SLFN12L: variants seen among roughly 807,000 people sequenced by gnomAD.
SLFN12L encodes schlafen family member 12-like.
SLFN12L carries 34 observed loss-of-function variants against 34.8 expected under a neutral mutation model. The observed-to-expected ratio is 0.98, with a 90% CI of 0.74 to 1.30. The LOEUF (loss-of-function observed/expected upper bound fraction) is 1.30, where lower values mean the gene tolerates loss of function less well. SLFN12L is among the 50% of genes most tolerant of loss of function. SLFN12L has a pLI of 0.00. For missense variants in SLFN12L, 703 were observed against 696.2 expected (o/e 1.01, Z -0.11); for synonymous variants, 259 against 247.5 (o/e 1.05, Z -0.44).
At chr17:35,497,150 G>A (rs1372053492) in intron 2 of SLFN12L, among the ~76,000 whole-genome samples, 1 of 152,198 alleles carries the variant, frequency 6.6e-6, no homozygotes, top group African/African-American at 2.4e-5. Context: ...CAGCACTTTG[G>A]GAGGCCGAAG....
chr17:35,492,870 A>G (rs974747476), intron 2 of SLFN12L, among the ~76,000 whole-genome samples: 1 of 152,216 alleles, frequency 6.6e-6, no homozygotes, highest in South Asian at 2.1e-4. Flanking sequence ...CAAACAATTA[A>G]ATTGAAATGT....
intron 2 of SLFN12L, among the ~76,000 whole-genome samples, chr17:35,511,463 T>G (rs1014071993): frequency 6.6e-6 from 1 of 152,206 alleles, no homozygotes; most frequent in Non-Finnish European, 1.5e-5. Flanking sequence ...ACATAAGTTC[T>G]AGTTGTCTGT....
Position 35,523,494 on chromosome 17 carries a change from C to T in SLFN12L, c.-605-525G>A, listed in dbSNP as rs188327205. 4.4e-4 allele frequency among the ~76,000 whole-genome samples: 67 copies of T among 152,274 alleles called. 1 individual carries two copies. In the East Asian group the frequency reaches 0.01, roughly 24 times the overall value. On this transcript the variant is annotated intron_variant, in intron 1 of 4. Coordinates refer to ENST00000628453, the MANE Select transcript of SLFN12L (RefSeq NM_001363830.2). ...TTTTCTTCAGTCCTCAACTAGGAGACCCTTGAAGCTATCTCTCCTGAAGCA... is the reference window on the plus strand; with the variant it reads ...TTTTCTTCAGTCCTCAACTAGGAGATCCTTGAAGCTATCTCTCCTGAAGCA...
intron 1 of SLFN12L, among the ~76,000 whole-genome samples, chr17:35,526,348 C>T (rs1246663035): frequency 6.6e-6 from 1 of 152,146 alleles, no homozygotes; most frequent in Non-Finnish European, 1.5e-5. Context: ...CCGCTCTGAA[C>T]CAAGCGGATC....
intron 2 of SLFN12L, among the ~76,000 whole-genome samples, chr17:35,493,102 G>A (rs1345154636): frequency 6.6e-6 from 1 of 152,158 alleles, no homozygotes; most frequent in Non-Finnish European, 1.5e-5. Context: ...GTGGGTATGC[G>A]TGGGTGTATG....
At chr17:35,505,403 G>A (rs903513603) in intron 2 of SLFN12L, among the ~76,000 whole-genome samples, 1 of 152,184 alleles carries the variant, frequency 6.6e-6, no homozygotes, top group African/African-American at 2.4e-5. Context: ...AGCCTTGGCA[G>A]CAACAGCTCT....
Position 35,472,770 on chromosome 17 carries a change from T to C in SLFN12L, c.*2153A>G, listed in dbSNP as rs12949245. Among the ~76,000 whole-genome samples the C allele has an allele frequency of 0.15, 23,106 of 152,236 alleles. 1,915 individuals carry two copies. Among genetic ancestry groups the C allele is most frequent in the Middle Eastern group, 0.26 (75 of 294 alleles). ...ATGGCCATTTTCATGATATTGATTC[T>C]TCCTGTTTATGAGGATGGAATGTTT... On this transcript the variant is annotated 3_prime_UTR_variant, in exon 5 of 5. Transcript: ENST00000628453.
intron 2 of SLFN12L, among the ~76,000 whole-genome samples, chr17:35,521,953 C>T (rs1265543235): frequency 6.6e-6 from 1 of 152,032 alleles, no homozygotes; most frequent in Admixed American, 6.6e-5. Context: ...GAACATCACA[C>T]ACACCGGGGC....
At chr17:35,512,150 ATTTTTTTT>A (rs34171279) in intron 2 of SLFN12L, among the ~76,000 whole-genome samples, 4 of 69,152 alleles carry the variant, frequency 5.8e-5, no homozygotes, top group Admixed American at 1.7e-4. Flanking sequence ...AAAAGAGCTG[ATTTTTTTT>A]TTTTTTTTTT....
rs543816768 is a variant in SLFN12L at position 35,529,428 on chromosome 17, A to G, written c.-605-6459T>C. ...TATTGTGGCACTATTCACAATAGCA[A>G]AGACTTGGAACCAACCCAAATGTCC... is the stretch of plus-strand genomic sequence containing the variant. On this transcript the variant is annotated intron_variant, in intron 1 of 4. Coordinates refer to ENST00000628453, the MANE Select transcript of SLFN12L (RefSeq NM_001363830.2). Among the ~76,000 whole-genome samples, 3 of 152,352 alleles carry G rather than the reference A, an allele frequency of 2.0e-5. No homozygotes were observed. The East Asian group carries it at 5.8e-4, about 29-fold the overall frequency.
chr17:35,537,187 A>G (rs2072470607), intron 1 of SLFN12L, among the ~76,000 whole-genome samples: 1 of 152,022 alleles, frequency 6.6e-6, no homozygotes, highest in South Asian at 2.1e-4. Context: ...CTCAAAAAAA[A>G]AAGAGAATCT....
Position 35,479,437 on chromosome 17 carries a change from C to T in SLFN12L, c.845G>A (p.Gly282Asp). ...ANTDGGYLFV[G>D]LNEDKEVIGF... ...AATTACTTCTTTATCTTCATTTAGA[C>T]CAACGAATAAATATCCTCCATCAGT... is the stretch of plus-strand genomic sequence containing the variant. Residue 282 changes from glycine to aspartate, a missense_variant, in exon 3 of 5, where the codon GGT becomes GAT. Gly to Asp is a moderately conservative substitution (Grantham distance 94, BLOSUM62 -1). Transcript: ENST00000628453. The T allele has an allele frequency of 6.2e-7, 1 of 1,614,102 alleles. No homozygotes were observed. The highest frequency in any genetic ancestry group is 8.5e-7 in the Non-Finnish European group (1 of 1,180,010).
chr17:35,526,011 A>G (rs1430767446), intron 1 of SLFN12L, among the ~76,000 whole-genome samples: 2 of 152,226 alleles, frequency 1.3e-5, no homozygotes, highest in African/African-American at 2.4e-5. Flanking sequence ...GGGATGGAGG[A>G]ATATTTACCA....
intron 2 of SLFN12L, among the ~76,000 whole-genome samples, chr17:35,512,200 G>A (rs1358624039): frequency 8.3e-6 from 1 of 121,172 alleles, no homozygotes; most frequent in Non-Finnish European, 1.7e-5. Context: ...TGTCGCCCAG[G>A]CTGGAGTGCA....
intron 1 of SLFN12L, among the ~76,000 whole-genome samples, chr17:35,536,831 T>C (rs997561216): frequency 7.0e-6 from 1 of 143,774 alleles, no homozygotes; most frequent in Non-Finnish European, 1.5e-5. Context: ...ATAAGAAAAA[T>C]AAGAAACCCC....
chr17:35,537,467 T>C (rs1335461839), intron 1 of SLFN12L, 106 bp downstream of exon 1: 1 of 152,242 alleles, frequency 6.6e-6, no homozygotes, highest in Admixed American at 6.5e-5. Flanking sequence ...GAAAAGTCTG[T>C]AGCCACAGAG....
At chr17:35,487,188 A>G (rs1173307403) in intron 2 of SLFN12L, among the ~76,000 whole-genome samples, 1 of 152,152 alleles carries the variant, frequency 6.6e-6, no homozygotes, top group Non-Finnish European at 1.5e-5. Flanking sequence ...AGCACTCCCC[A>G]CTTCTCCAGC....
At chr17:35,519,689 T>G (rs8077228) in intron 2 of SLFN12L, among the ~76,000 whole-genome samples, 3,331 of 152,276 alleles carry the variant, frequency 0.022, 126 homozygotes, top group African/African-American at 0.076. Flanking sequence ...ACTTTCTGAC[T>G]CATACAGTCA....
Position 35,490,109 on chromosome 17 carries a change from G to T in SLFN12L, c.87-9914C>A, listed in dbSNP as rs1268816211. On this transcript the variant is annotated intron_variant, in intron 2 of 4. Coordinates refer to ENST00000628453, the MANE Select transcript of SLFN12L (RefSeq NM_001363830.2). ...CCTCCTCCCCAGTGCCCCAGGCGCG[G>T]AGCAGACCGCCGGCAACCTCCTCTA... 4 of 1,606,208 alleles carry T rather than the reference G, an allele frequency of 2.5e-6. No individual in the cohort carries two copies. The Admixed American group carries it at 5.0e-5, about 20-fold the overall frequency.
Sources: gnomAD v4.1 joint callset for allele counts (sites outside exome capture counted in the v4.1 genomes callset) on GRCh38, gnomAD v4.1.1 for gene constraint, MANE v1.5 for transcripts, NCBI Gene and HGNC (gene_info 2026-07-23, HGNC 2026-07-21) for gene names.